Variants in TJP2 observed in about 807,000 individuals in gnomAD.
The protein encoded by TJP2 is tight junction protein 2.
In TJP2, 91 loss-of-function variants were observed where a neutral mutation model predicts 133.1. That is an observed-to-expected ratio of 0.68 (90% CI 0.58 to 0.81). The LOEUF is 0.81. Ranked by LOEUF, TJP2 falls within the 40% of genes least tolerant of loss-of-function variation. TJP2 has a pLI of 0.00. For synonymous variants in TJP2, 592 were observed against 583.4 expected, an observed-to-expected ratio of 1.01 and a Z score of -0.21; for missense variants, 1,541 against 1,565.6, an observed-to-expected ratio of 0.98 and a Z score of 0.26.
chr9:69,218,559 C>T (rs1001260144), intron 4 of TJP2, 200 bp downstream of exon 4: 10 of 605,208 alleles, frequency 1.7e-5, no homozygotes, highest in Non-Finnish European at 3.0e-5. Context: ...CTCCTGAGGC[C>T]AGTGATTCTC....
chr9:69,181,421 TG>T (rs1199545463), intron 1 of TJP2, among the ~76,000 whole-genome samples: 2 of 152,016 alleles, frequency 1.3e-5, no homozygotes, highest in African/African-American at 2.4e-5. Context: ...GCTAATTTTT[TG>T]TATCTTTGGT....
chr9:69,173,853 T>C (rs1358897014), upstream of TJP2, among the ~76,000 whole-genome samples: 1 of 152,012 alleles, frequency 6.6e-6, no homozygotes, highest in Non-Finnish European at 1.5e-5. Context: ...CGCCCGGAGC[T>C]CACTCCAGGT....
intron 11 of TJP2, among the ~76,000 whole-genome samples, chr9:69,230,468 A>G (rs558595409): frequency 1.3e-5 from 2 of 152,212 alleles, no homozygotes; most frequent in African/African-American, 4.8e-5. Context: ...GCCCTTGCCA[A>G]GATTTTATTA....
chr9:69,202,101 A>G (rs1264728147), intron 1 of TJP2, among the ~76,000 whole-genome samples: 1 of 152,210 alleles, frequency 6.6e-6, no homozygotes, highest in Non-Finnish European at 1.5e-5. Flanking sequence ...TTTATAAAAA[A>G]CAGAAATTTA....
intron 11 of TJP2, 69 bp from the exon 12 acceptor site, chr9:69,234,370 T>TTTTG: frequency 7.2e-6 from 8 of 1,117,170 alleles, no homozygotes; most frequent in Non-Finnish European, 1.0e-5. Flanking sequence ...CTTCTCTGTT[T>TTTTG]TTTCTTTCTT....
At chr9:69,203,579 TAG>T (rs1827162188) in intron 1 of TJP2, among the ~76,000 whole-genome samples, 1 of 142,752 alleles carries the variant, frequency 7.0e-6, no homozygotes, top group Non-Finnish European at 1.5e-5. Context: ...GCTGGGATTA[TAG>T]GCATGAGCCA....
upstream of TJP2, chr9:69,121,312 G>C: frequency 1.0e-6 from 1 of 985,346 alleles, no homozygotes; most frequent in Admixed American, 6.1e-5. Flanking sequence ...GCGAGCAGCT[G>C]CGTCTCCCTC....
At chr9:69,163,734 A>G (rs886871758) in intron 2 of TJP2, among the ~76,000 whole-genome samples, 7 of 152,274 alleles carry the variant, frequency 4.6e-5, no homozygotes, top group African/African-American at 1.7e-4. Flanking sequence ...CAGCCCTCCC[A>G]AAGTGCTGGG....
chr9:69,172,123 C>T (rs1290483053), upstream of TJP2, among the ~76,000 whole-genome samples: 1 of 152,138 alleles, frequency 6.6e-6, no homozygotes, highest in African/African-American at 2.4e-5. Context: ...TAAACACATT[C>T]TAGGAGTGGG....
intron 2 of TJP2, among the ~76,000 whole-genome samples, chr9:69,215,381 A>C (rs1828280574): frequency 7.4e-6 from 1 of 135,762 alleles, no homozygotes; most frequent in Non-Finnish European, 1.6e-5. Context: ...GCCCAGCTAG[A>C]AAGTTGTGGT....
intron 1 of TJP2, among the ~76,000 whole-genome samples, chr9:69,176,409 A>C (rs1825092739): frequency 6.6e-6 from 1 of 152,162 alleles, no homozygotes; most frequent in Non-Finnish European, 1.5e-5. Flanking sequence ...CTAAAGATAC[A>C]AGTAGGAGGT....
intron 2 of TJP2, among the ~76,000 whole-genome samples, chr9:69,159,897 A>G (rs1395122866): frequency 3.3e-5 from 1 of 30,708 alleles, no homozygotes; most frequent in Admixed American, 3.4e-4. Flanking sequence ...ATATATACAT[A>G]TATATATATA....
chr9:69,181,866 T>G (rs1825535719), intron 1 of TJP2, among the ~76,000 whole-genome samples: 2 of 152,196 alleles, frequency 1.3e-5, no homozygotes, highest in Admixed American at 1.3e-4. Context: ...CAGTTGCAGC[T>G]TAAATTATGT....
Position 69,228,053 on chromosome 9 carries a change from T to C in TJP2, c.1392T>C (p.Asp464=). The change falls in exon 9 of 23, where the codon GAT becomes GAC. Residue 464 remains aspartate, a synonymous_variant. Transcript: ENST00000377245. ...CCACTCCCTTTAAGTCCACAGGGGA[T>C]ATTGCAGGCACAGTTGTCCCAGAGA... The part of the protein sequence containing the change: ...ATPTPFKSTG[D]IAGTVVPETN... The C allele has an allele frequency of 1.2e-6, 2 of 1,613,968 alleles. No individual in the cohort carries two copies. The highest frequency in any genetic ancestry group is 8.5e-7 in the Non-Finnish European group (1 of 1,179,978).
chr9:69,186,779 G>A (rs1044406592), intron 1 of TJP2, among the ~76,000 whole-genome samples: 3 of 152,260 alleles, frequency 2.0e-5, no homozygotes, highest in African/African-American at 2.4e-5. Flanking sequence ...GTGTTGCTTC[G>A]TGTATTTTGA....
At position 69,239,997 on chromosome 9, in the gene TJP2, T is replaced by C; in HGVS notation, c.2416T>C (p.Trp806Arg). 1.9e-6 allele frequency: 3 copies of C among 1,614,232 alleles called. No individual in the cohort carries two copies. Among genetic ancestry groups the C allele is most frequent in the South Asian group, 1.1e-5 (1 of 91,088 alleles). Residue 806 changes from tryptophan to arginine, a missense_variant, in exon 17 of 23, where the codon TGG becomes CGG. Physicochemically the swap from Trp to Arg is moderately radical, Grantham distance 101. Coordinates refer to ENST00000377245, the MANE Select transcript of TJP2 (RefSeq NM_004817.4). ...KAVDLLNYTQ[W>R]FPIVIFFNPD... is the part of the protein sequence containing the mutation. ...TGTGGACCTGTTGAATTACACCCAG[T>C]GGTTCCCAATTGTGATTTTTTTCAA... is the stretch of plus-strand genomic sequence containing the variant.
intron 18 of TJP2, among the ~76,000 whole-genome samples, chr9:69,247,216 G>A (rs775713493): frequency 6.6e-6 from 1 of 152,226 alleles, no homozygotes; most frequent in Non-Finnish European, 1.5e-5. Flanking sequence ...AAATAAGGTT[G>A]GTTGAGAATG....
Position 69,221,368 on chromosome 9 carries a change from A to G in TJP2, c.824A>G (p.His275Arg). 1 of 1,584,404 alleles carries G rather than the reference A, an allele frequency of 6.3e-7. No individual in the cohort carries two copies. Among genetic ancestry groups the G allele is most frequent in the Non-Finnish European group, 8.6e-7 (1 of 1,166,076 alleles). Reference sequence around the variant, plus strand: ...CCGGAGTACAGGCGCGGGGCCCGCCACGATGCCCGCTCTCGGGGACCCCGA... The same window carrying G: ...CCGGAGTACAGGCGCGGGGCCCGCCGCGATGCCCGCTCTCGGGGACCCCGA... ...YSPEYRRGAR[H>R]DARSRGPRSR... Residue 275 changes from histidine to arginine, a missense_variant, in exon 5 of 23, where the codon CAC (histidine) becomes CGC (arginine). Coordinates refer to ENST00000377245, the MANE Select transcript of TJP2 (RefSeq NM_004817.4).
At chr9:69,221,744 G>T (rs1311887121) in intron 5 of TJP2, among the ~76,000 whole-genome samples, 3 of 151,680 alleles carry the variant, frequency 2.0e-5, no homozygotes, top group African/African-American at 7.3e-5. Flanking sequence ...GTGGAGACAG[G>T]TTTCAACATG....
Sources: allele counts gnomAD v4.1 joint callset (sites outside exome capture counted in the v4.1 genomes callset), GRCh38; gene constraint gnomAD v4.1.1; transcripts MANE v1.5; gene names NCBI Gene and HGNC (gene_info 2026-07-23, HGNC 2026-07-21).